The following MSH6 variants were observed in gnomAD, a reference collection of about 807,000 sequenced individuals.
MSH6 encodes the protein DNA mismatch repair protein Msh6.
MSH6 carries 85 observed loss-of-function variants against 119.1 expected under a neutral mutation model. The ratio of observed to expected loss-of-function variants is 0.71; its 90% confidence interval spans 0.60 to 0.85. MSH6 has a LOEUF of 0.85. Ranked by LOEUF, MSH6 falls within the 40% of genes least tolerant of loss-of-function variation. The pLI is 0.00. For missense variants in MSH6, 2,163 were observed against 1,655.3 expected, an observed-to-expected ratio of 1.31 and a Z score of -5.32; for synonymous variants, 830 against 586.9, an observed-to-expected ratio of 1.41 and a Z score of -5.99.
Position 47,783,507 on chromosome 2 carries a change from G to T in MSH6, c.260+14G>T. ...TGCCCCCACCAGGTAGCGGGGTGGG[G>T]GTGGGGTCGAAGGCGGGGGCATAGC... On this transcript the variant is annotated intron_variant, in intron 1 of 9. Coordinates refer to ENST00000234420, the MANE Select transcript of MSH6 (RefSeq NM_000179.3). 7.0e-7 allele frequency: 1 copy of T among 1,423,850 alleles called. No homozygotes were observed. Among genetic ancestry groups the T allele is most frequent in the Non-Finnish European group, 9.2e-7 (1 of 1,089,080 alleles). 88.2% of individuals were successfully genotyped at this position (1,423,850 alleles called of 1,614,324 possible).
rs369042519 is a variant in MSH6, at chr2:47,803,438, C to T, written c.3191C>T (p.Ala1064Val). 5.6e-6 allele frequency: 9 copies of T among 1,614,040 alleles called. No individual in the cohort carries two copies. The African/African-American group carries it at 1.1e-4, about 19-fold the overall frequency. Residue 1064 changes from alanine to valine, a missense_variant, in exon 5 of 10, where the codon GCT becomes GTT. By Grantham distance (64) the Ala-to-Val change is moderately conservative. Coordinates refer to ENST00000234420, the MANE Select transcript of MSH6 (RefSeq NM_000179.3). Reference sequence around the variant, plus strand: ...TTAACAGATGTTTTACTGTGCCTGGCTAACTATAGTCGAGGGGGTGATGGT... The same window carrying T: ...TTAACAGATGTTTTACTGTGCCTGGTTAACTATAGTCGAGGGGGTGATGGT... ...IAVLDVLLCL[A>V]NYSRGGDGPM... is the part of the protein sequence containing the mutation.
rs772126419 is a variant in MSH6, at chr2:47,798,947, G to A, written c.964G>A (p.Ala322Thr). Residue 322 changes from alanine (A) to threonine (T), a missense_variant, in exon 4 of 10, where the codon GCC becomes ACC. By Grantham distance (58) the Ala-to-Thr change is moderately conservative (BLOSUM62 0). Transcript: ENST00000234420. ...AAGCTCTAGGAAGGAAACGCCCTCAGCCACCAAACAAGCAACTAGCATTTC... is the reference window on the plus strand; with the variant it reads ...AAGCTCTAGGAAGGAAACGCCCTCAACCACCAAACAAGCAACTAGCATTTC... ...RKSSRKETPS[A>T]TKQATSISSE... 1 of 1,614,186 alleles carries A rather than the reference G, an allele frequency of 6.2e-7. No individual in the cohort carries two copies. Among genetic ancestry groups the A allele is most frequent in the Non-Finnish European group, 8.5e-7 (1 of 1,180,040 alleles).
At chr2:47,797,447 G>A (rs913031599) in intron 3 of MSH6, among the ~76,000 whole-genome samples, 2 of 152,180 alleles carry the variant, frequency 1.3e-5, no homozygotes, top group Non-Finnish European at 2.9e-5. Context: ...CAAATAATCC[G>A]GGAGATCCGT....
Position 47,788,922 on chromosome 2 carries a change from G to GTTTTTTTTTTTTTT in MSH6, c.261-1993_261-1980dup, listed in dbSNP as rs1558650240. On this transcript the variant is annotated intron_variant, in intron 1 of 9. Coordinates refer to ENST00000234420, the MANE Select transcript of MSH6 (RefSeq NM_000179.3). ...TTTCTTCTTCCTTTTTTTTTTTTTT[G>GTTTTTTTTTTTTTT]TTTTTTTTTTTTTTTTTTTTTTTTT... Among the ~76,000 whole-genome samples the GTTTTTTTTTTTTTT allele has an allele frequency of 1.8e-3, 72 of 40,940 alleles. 5 individuals carry two copies. The highest frequency in any genetic ancestry group is 2.6e-3 in the African/African-American group (26 of 9,994). 26.9% of individuals were successfully genotyped at this position (40,940 alleles called of 152,430 possible).
At chr2:47,801,300 C>A in intron 4 of MSH6, 145 bp downstream of exon 4, 2 of 730,744 alleles carry the variant, frequency 2.7e-6, no homozygotes, top group Non-Finnish European at 2.2e-6. Flanking sequence ...CTAGGCTGCC[C>A]ACAGCAATTT....
At chr2:47,794,327 A>C (rs1668938597) in intron 2 of MSH6, among the ~76,000 whole-genome samples, 1 of 151,986 alleles carries the variant, frequency 6.6e-6, no homozygotes. Context: ...GCTGGAGTGC[A>C]ATGGTGCAGT....
At chr2:47,793,707 T>C (rs962536606) in intron 2 of MSH6, among the ~76,000 whole-genome samples, 1 of 151,878 alleles carries the variant, frequency 6.6e-6, no homozygotes, top group Admixed American at 6.6e-5. Context: ...TTAGGACCAA[T>C]TTCGAGATTT....
chr2:47,808,410 G>C, downstream of MSH6: 1 of 1,597,382 alleles, frequency 6.3e-7, no homozygotes, highest in Non-Finnish European at 8.5e-7. Flanking sequence ...TCGATCTGTG[G>C]TGTTACAAGT....
At chr2:47,797,514 T>G (rs1013807140) in intron 3 of MSH6, among the ~76,000 whole-genome samples, 1 of 152,216 alleles carries the variant, frequency 6.6e-6, no homozygotes, top group African/African-American at 2.4e-5. Context: ...GAGCAAACAC[T>G]AGAACCAGTA....
chr2:47,792,991 G>T (rs2104158694), intron 2 of MSH6, among the ~76,000 whole-genome samples: 2 of 151,092 alleles, frequency 1.3e-5, no homozygotes, highest in South Asian at 4.2e-4. Flanking sequence ...CTTATTTTCT[G>T]ATACTGTTTA....
intron 7 of MSH6, 84 bp from the exon 8 acceptor site, chr2:47,806,120 T>C (rs2104533512): frequency 1.5e-6 from 2 of 1,372,742 alleles, no homozygotes; most frequent in Non-Finnish European, 2.1e-6. Flanking sequence ...CGATGTTGCT[T>C]TTCTGTCCTA....
At chr2:47,788,131 T>A (rs1020948468) in intron 1 of MSH6, among the ~76,000 whole-genome samples, 6 of 152,162 alleles carry the variant, frequency 3.9e-5, no homozygotes, top group Non-Finnish European at 8.8e-5. Flanking sequence ...CCAGGATGTT[T>A]AGTGGTACTC....
At chr2:47,807,816 A>AGTT (rs1295948419), downstream of MSH6, 1 of 292,852 alleles carries the variant, frequency 3.4e-6, no homozygotes, top group Non-Finnish European at 6.4e-6. Context: ...ATTCAATGCT[A>AGTT]GTTGTAAAAA....
At chr2:47,806,717 G>A (rs1324344292) in intron 9 of MSH6, 62 bp from the exon 10 acceptor site, 1 of 1,575,406 alleles carries the variant, frequency 6.3e-7, no homozygotes, top group Non-Finnish European at 8.7e-7. Context: ...CAGTAAAAGG[G>A]GAAGGGATGA....
chr2:47,806,862 C>T lies in MSH6; in HGVS notation c.*2C>T, dbSNP rs752809310. The T allele has an allele frequency of 5.0e-6, 8 of 1,603,992 alleles. No homozygotes were observed. Among genetic ancestry groups the T allele is most frequent in the East Asian group, 2.2e-5 (1 of 44,726 alleles). On this transcript the variant is annotated 3_prime_UTR_variant, in exon 10 of 10. Coordinates refer to ENST00000234420, the MANE Select transcript of MSH6 (RefSeq NM_000179.3). Reference sequence around the variant, plus strand: ...CTGACTTTGATTAAGGAATTATAGACTGACTACATTGGAAGCTTTGAGTTG... The same window carrying T: ...CTGACTTTGATTAAGGAATTATAGATTGACTACATTGGAAGCTTTGAGTTG...
chr2:47,809,856 A>G (rs1359317301), downstream of MSH6: 2 of 568,432 alleles, frequency 3.5e-6, no homozygotes, highest in Non-Finnish European at 6.2e-6. Context: ...ACCTATTTCA[A>G]CCACCAACAG....
intron 2 of MSH6, among the ~76,000 whole-genome samples, chr2:47,794,157 A>G (rs545059924): frequency 5.9e-5 from 9 of 151,570 alleles, no homozygotes; most frequent in African/African-American, 2.2e-4. Context: ...CCTGGCCAAC[A>G]TGGTGAAACC....
downstream of MSH6, chr2:47,809,895 A>G: frequency 1.8e-6 from 1 of 542,958 alleles, no homozygotes; most frequent in South Asian, 2.6e-5. Flanking sequence ...GACTATGGTC[A>G]AAACTGCAAT....
At chr2:47,790,571 C>T (rs937291551) in intron 1 of MSH6, among the ~76,000 whole-genome samples, 2 of 152,046 alleles carry the variant, frequency 1.3e-5, no homozygotes, top group Admixed American at 1.3e-4. Context: ...TATGTACATA[C>T]CATATTGTAT....
Sources: allele counts gnomAD v4.1 joint callset (sites outside exome capture counted in the v4.1 genomes callset), GRCh38; gene constraint gnomAD v4.1.1; transcripts MANE v1.5; gene names NCBI Gene and HGNC (gene_info 2026-07-23, HGNC 2026-07-21).